The following PCDH15 variants were observed in gnomAD, a reference collection of about 807,000 sequenced individuals.
PCDH15 encodes the protein protocadherin-15.
Under a neutral mutation model 178.5 loss-of-function variants are expected in PCDH15, and 129 were observed. The ratio of observed to expected loss-of-function variants is 0.72; its 90% confidence interval spans 0.63 to 0.84. The LOEUF (loss-of-function observed/expected upper bound fraction) is 0.84, where lower values mean the gene tolerates loss of function less well. Among genes scored for constraint, PCDH15 ranks in the 40% least tolerant of loss-of-function variants. The probability of loss-of-function intolerance (pLI) is 0.00; values close to 1 mark genes in which losing one functional copy is unlikely to be tolerated. For synonymous variants in PCDH15, 800 were observed against 732.0 expected (o/e 1.09, Z -1.50); for missense variants, 2,230 against 2,099.9 (o/e 1.06, Z -1.21).
intron 1 of PCDH15, among the ~76,000 whole-genome samples, chr10:54,674,167 G>C (rs1230768616): frequency 6.6e-6 from 1 of 152,080 alleles, no homozygotes; most frequent in African/African-American, 2.4e-5. Flanking sequence ...TTTAGGTAAG[G>C]TCTTCGGCCA....
At chr10:55,560,000 T>C (rs1367419907) in intron 2 of PCDH15, among the ~76,000 whole-genome samples, 1 of 151,956 alleles carries the variant, frequency 6.6e-6, no homozygotes, top group East Asian at 1.9e-4. Context: ...TACAACACTG[T>C]AGGCCATTAA....
At chr10:55,159,280 A>G (rs1454208623) in intron 2 of PCDH15, among the ~76,000 whole-genome samples, 1 of 150,132 alleles carries the variant, frequency 6.7e-6, no homozygotes, top group East Asian at 2.0e-4. Flanking sequence ...ATCCAGTTGT[A>G]TCTATCTATA....
intron 2 of PCDH15, among the ~76,000 whole-genome samples, chr10:54,543,559 G>C (rs1219786): frequency 6.6e-6 from 1 of 152,132 alleles, no homozygotes; most frequent in Non-Finnish European, 1.5e-5. Context: ...AAGTGACAAG[G>C]GATGGATGTC....
At chr10:54,773,008 A>G (rs1407895509) in intron 1 of PCDH15, among the ~76,000 whole-genome samples, 1 of 152,050 alleles carries the variant, frequency 6.6e-6, no homozygotes, top group Non-Finnish European at 1.5e-5. Flanking sequence ...GCAAACTATC[A>G]TAGGAACAGA....
intron 2 of PCDH15, among the ~76,000 whole-genome samples, chr10:55,159,346 T>A (rs2440729): frequency 1.5e-4 from 1 of 6,586 alleles, no homozygotes; most frequent in African/African-American, 4.6e-4. Flanking sequence ...TTACCATATC[T>A]ATCTATCTAT....
At chr10:54,331,193 A>C (rs903167949) in intron 6 of PCDH15, among the ~76,000 whole-genome samples, 1 of 151,470 alleles carries the variant, frequency 6.6e-6, no homozygotes, top group African/African-American at 2.4e-5. Context: ...CAAATCTCTC[A>C]GCTCAGGCTC....
Position 55,607,321 on chromosome 10 carries a change from A to G in PCDH15, c.-156+20304T>C, listed in dbSNP as rs1206001111. Among the ~76,000 whole-genome samples, 7 of 149,900 alleles carry G rather than the reference A, an allele frequency of 4.7e-5. No individual in the cohort carries two copies. In the South Asian group the frequency reaches 8.9e-4, roughly 19 times the overall value. ...GGTGGGACTGTAAACTAGTTCAACC[A>G]TTGTGGAAGTCAGTGTGGCGATTCC... On this transcript the variant is annotated intron_variant, in intron 2 of 5. Transcript: ENST00000613346.
At chr10:54,446,033 G>A (rs2076123884) in intron 3 of PCDH15, among the ~76,000 whole-genome samples, 1 of 151,308 alleles carries the variant, frequency 6.6e-6, no homozygotes, top group African/African-American at 2.4e-5. Flanking sequence ...TCCCCTTTGG[G>A]ACCCATGACA....
intron 2 of PCDH15, among the ~76,000 whole-genome samples, chr10:55,360,539 G>T (rs1845203021): frequency 6.6e-6 from 1 of 151,886 alleles, no homozygotes; most frequent in South Asian, 2.1e-4. Context: ...ATGCAATAGA[G>T]AATTGGGGAA....
intron 26 of PCDH15, among the ~76,000 whole-genome samples, chr10:53,898,721 C>T (rs982686864): frequency 4.6e-5 from 7 of 152,150 alleles, no homozygotes; most frequent in Non-Finnish European, 1.0e-4. Context: ...AATCACTGCT[C>T]AAAAATGACT....
chr10:55,477,246 T>A (rs1201866745), intron 2 of PCDH15, among the ~76,000 whole-genome samples: 1 of 151,836 alleles, frequency 6.6e-6, no homozygotes, highest in Non-Finnish European at 1.5e-5. Context: ...AAAAGAGACA[T>A]GAAGGACAGA....
chr10:55,595,239 A>G (rs956267868), intron 2 of PCDH15, among the ~76,000 whole-genome samples: 5 of 152,026 alleles, frequency 3.3e-5, no homozygotes, highest in Admixed American at 2.0e-4. Flanking sequence ...CTTTTTAATT[A>G]TCTCAAAATG....
intron 11 of PCDH15, among the ~76,000 whole-genome samples, chr10:54,191,258 G>A (rs1174351066): frequency 6.6e-6 from 1 of 152,190 alleles, no homozygotes; most frequent in Non-Finnish European, 1.5e-5. Context: ...TTATTTTCAA[G>A]TTGGAAGTAT....
chr10:54,544,544 T>C (rs1043849178), intron 2 of PCDH15, among the ~76,000 whole-genome samples: 4 of 152,186 alleles, frequency 2.6e-5, no homozygotes, highest in Admixed American at 2.6e-4. Context: ...CTGCTATTTA[T>C]GAGGCCTTCC....
intron 13 of PCDH15, among the ~76,000 whole-genome samples, chr10:54,167,539 G>T (rs530239496): frequency 1.5e-4 from 23 of 152,102 alleles, no homozygotes; most frequent in Non-Finnish European, 2.5e-4. Flanking sequence ...ACACAGGGAC[G>T]CCTGCCTTGG....
intron 29 of PCDH15, among the ~76,000 whole-genome samples, chr10:53,837,374 T>TA (rs927872116): frequency 9.2e-5 from 14 of 151,930 alleles, no homozygotes; most frequent in East Asian, 3.9e-4. Flanking sequence ...TAACCAAAAA[T>TA]AAAAAAATTA....
At chr10:55,123,078 T>G (rs927451596) in intron 2 of PCDH15, among the ~76,000 whole-genome samples, 4 of 152,010 alleles carry the variant, frequency 2.6e-5, no homozygotes, top group Non-Finnish European at 4.4e-5. Context: ...AGGATATCTA[T>G]CTCTATAAAC....
intron 3 of PCDH15, among the ~76,000 whole-genome samples, chr10:54,445,053 C>A (rs966311224): frequency 4.0e-5 from 6 of 151,038 alleles, no homozygotes; most frequent in Non-Finnish European, 7.4e-5. Flanking sequence ...TTCTCAATTG[C>A]CAATTGTCTA....
intron 2 of PCDH15, among the ~76,000 whole-genome samples, chr10:54,898,375 CTA>C (rs1238032622): frequency 1.3e-5 from 2 of 151,802 alleles, no homozygotes; most frequent in East Asian, 1.9e-4. Flanking sequence ...CAATAATAAA[CTA>C]GGGTTATTTT....
Sources: gnomAD v4.1 joint callset for allele counts (sites outside exome capture counted in the v4.1 genomes callset) on GRCh38, gnomAD v4.1.1 for gene constraint, MANE v1.5 for transcripts, NCBI Gene and HGNC (gene_info 2026-07-23, HGNC 2026-07-21) for gene names.